The following GARNL3 variants were observed in gnomAD, a reference collection of about 807,000 sequenced individuals.
GARNL3 encodes GTPase activating Rap/RanGAP domain like 3, also known as GTPase-activating Rap/Ran-GAP domain-like protein 3.
Under a neutral mutation model 125.0 loss-of-function variants are expected in GARNL3, and 63 were observed. The observed-to-expected ratio is 0.50, with a 90% CI of 0.41 to 0.62. The LOEUF (loss-of-function observed/expected upper bound fraction) is 0.62. Among genes scored for constraint, GARNL3 ranks in the 20% least tolerant of loss-of-function variants. GARNL3 has a pLI of 0.00. For synonymous variants in GARNL3, 439 were observed against 457.5 expected (o/e 0.96, Z 0.52); for missense variants, 994 against 1,244.0 (o/e 0.80, Z 3.02).
At chr9:127,279,693 G>T (rs556909474) in intron 1 of GARNL3, among the ~76,000 whole-genome samples, 2 of 151,932 alleles carry the variant, frequency 1.3e-5, no homozygotes, top group African/African-American at 4.8e-5. Flanking sequence ...GATGGTTAAA[G>T]GTATGCTTCC....
intron 1 of GARNL3, among the ~76,000 whole-genome samples, chr9:127,276,686 A>G (rs942066908): frequency 3.3e-5 from 5 of 152,236 alleles, no homozygotes; most frequent in Non-Finnish European, 5.9e-5. Flanking sequence ...TGAGTGAATG[A>G]CACCATCTTC....
chr9:127,248,743 G>A (rs897226072), intron 2 of GARNL3, among the ~76,000 whole-genome samples: 2 of 151,164 alleles, frequency 1.3e-5, no homozygotes, highest in African/African-American at 4.9e-5. Context: ...GATTAGCTAG[G>A]ACCACAGGTG....
In GARNL3 at chr9:127,393,343, G is replaced by T. The variant is rs1405380633; in HGVS notation, c.*89G>T. ...CTGATGTAATTTCTCAACAAAATGT[G>T]GCTTTTAGCCTGTCAGTGATCTATT... is the stretch of plus-strand genomic sequence containing the variant. On this transcript the variant is annotated 3_prime_UTR_variant, in exon 28 of 28. Transcript: ENST00000373387. 1.5e-6 allele frequency: 2 copies of T among 1,300,484 alleles called. No individual in the cohort carries two copies. The highest frequency in any genetic ancestry group is 2.9e-5 in the African/African-American group (2 of 68,434). The allele number at this position is 1,300,484 out of a possible 1,614,324, so 80.6% of individuals were successfully genotyped here.
At chr9:127,339,394 T>G (rs1009616722) in intron 12 of GARNL3, among the ~76,000 whole-genome samples, 3 of 151,792 alleles carry the variant, frequency 2.0e-5, no homozygotes, top group Non-Finnish European at 4.4e-5. Context: ...TCTTACATGG[T>G]GGCGGCAAGA....
At chr9:127,283,716 C>T (rs1465473714) in intron 1 of GARNL3, among the ~76,000 whole-genome samples, 2 of 152,066 alleles carry the variant, frequency 1.3e-5, no homozygotes, top group African/African-American at 2.4e-5. Context: ...AGGCTGGTGG[C>T]CACAGTATTG....
intron 1 of GARNL3, among the ~76,000 whole-genome samples, chr9:127,231,273 T>C (rs1481790854): frequency 1.5e-5 from 2 of 135,328 alleles, no homozygotes; most frequent in African/African-American, 5.5e-5. Context: ...AGGGTTTCAC[T>C]GTATTAGCCA....
intron 8 of GARNL3, 111 bp downstream of exon 8, chr9:127,332,460 GAT>G: frequency 3.7e-6 from 3 of 812,814 alleles, no homozygotes; most frequent in Non-Finnish European, 6.2e-6. Context: ...AATACGAGGA[GAT>G]AGTTTTACAC....
chr9:127,368,356 A>T (rs1217245117), intron 22 of GARNL3, among the ~76,000 whole-genome samples: 26 of 140,002 alleles, frequency 1.9e-4, no homozygotes, highest in Non-Finnish European at 4.6e-5. Flanking sequence ...TTCCAGATAG[A>T]GTCTAGCTCT....
intron 17 of GARNL3, among the ~76,000 whole-genome samples, chr9:127,350,879 G>A (rs76653337): frequency 0.041 from 6,293 of 152,284 alleles, 190 homozygotes; most frequent in South Asian, 0.1. Flanking sequence ...AGTGCAGTCT[G>A]TTAGTTTTAT....
At chr9:127,326,123 AG>A (rs2065564353) in intron 7 of GARNL3, among the ~76,000 whole-genome samples, 2 of 152,316 alleles carry the variant, frequency 1.3e-5, no homozygotes. Flanking sequence ...TCACTTAATC[AG>A]GACCTCTGCT....
At chr9:127,239,738 A>G (rs889760666) in intron 1 of GARNL3, among the ~76,000 whole-genome samples, 1 of 152,224 alleles carries the variant, frequency 6.6e-6, no homozygotes, top group Non-Finnish European at 1.5e-5. Context: ...AGTTAGGACT[A>G]GAAAAGATAA....
intron 1 of GARNL3, among the ~76,000 whole-genome samples, chr9:127,290,012 CAT>C (rs2064367112): frequency 6.6e-6 from 1 of 152,206 alleles, no homozygotes; most frequent in African/African-American, 2.4e-5. Context: ...CCTCTGTTCA[CAT>C]CCCAGCTCTA....
At chr9:127,270,573 C>T (rs1017258161) in intron 1 of GARNL3, among the ~76,000 whole-genome samples, 5 of 152,292 alleles carry the variant, frequency 3.3e-5, no homozygotes, top group Admixed American at 2.0e-4. Flanking sequence ...ATTCTTGGGG[C>T]TTCTCACGGC....
At chr9:127,302,238 G>A (rs909607782) in intron 2 of GARNL3, among the ~76,000 whole-genome samples, 2 of 152,002 alleles carry the variant, frequency 1.3e-5, no homozygotes, top group African/African-American at 2.4e-5. Flanking sequence ...CACCGCGCTC[G>A]GCCGGGAGAA....
In GARNL3 at chr9:127,320,786, A is replaced by C; in HGVS notation, c.567+8A>C. On this transcript the variant is annotated splice_region_variant and intron_variant, in intron 6 of 27. Coordinates refer to ENST00000373387, the MANE Select transcript of GARNL3 (RefSeq NM_032293.5). ...CATCCTGAAATACAAAAGGTAACAG[A>C]AAATTTTATGCTTCATAATTGTACA... 2 of 1,565,690 alleles carry C rather than the reference A, an allele frequency of 1.3e-6. No individual in the cohort carries two copies. Among genetic ancestry groups the C allele is most frequent in the Non-Finnish European group, 1.8e-6 (2 of 1,136,166 alleles).
intron 1 of GARNL3, among the ~76,000 whole-genome samples, chr9:127,238,731 T>C (rs1267479149): frequency 6.6e-6 from 1 of 151,388 alleles, no homozygotes; most frequent in East Asian, 1.9e-4. Context: ...AGAGAAGCTT[T>C]GTTCTCTTGG....
At chr9:127,286,579 G>C (rs745846734) in intron 1 of GARNL3, among the ~76,000 whole-genome samples, 5 of 152,080 alleles carry the variant, frequency 3.3e-5, no homozygotes, top group African/African-American at 1.2e-4. Context: ...TTTCTTCTCA[G>C]TTCTAGTTTT....
chr9:127,277,342 C>T (rs572192109), intron 1 of GARNL3, among the ~76,000 whole-genome samples: 1 of 151,338 alleles, frequency 6.6e-6, no homozygotes, highest in African/African-American at 2.4e-5. Context: ...GCTTCTGGCA[C>T]TTTCTCTTGC....
intron 20 of GARNL3, chr9:127,356,310 A>C (rs528137752): frequency 1.3e-5 from 2 of 152,170 alleles, no homozygotes; most frequent in African/African-American, 4.8e-5. Context: ...AGCCGTGGGC[A>C]ATGCTTTCCT....
Sources: allele counts gnomAD v4.1 joint callset (sites outside exome capture counted in the v4.1 genomes callset), GRCh38; gene constraint gnomAD v4.1.1; transcripts MANE v1.5; gene names NCBI Gene and HGNC (gene_info 2026-07-23, HGNC 2026-07-21).